ZNF516: variants seen among roughly 807,000 people sequenced by gnomAD.
ZNF516 encodes the protein zinc finger protein 516.
ZNF516 carries 19 observed loss-of-function variants against 79.7 expected under a neutral mutation model. That is an observed-to-expected ratio of 0.24 (90% confidence interval 0.17 to 0.35). The LOEUF (loss-of-function observed/expected upper bound fraction) is 0.35, where lower values mean the gene tolerates loss of function less well. Ranked by LOEUF, ZNF516 falls within the 10% of genes least tolerant of loss-of-function variation. The probability of loss-of-function intolerance (pLI) is 1.00; values close to 1 mark genes in which losing one functional copy is unlikely to be tolerated. For synonymous variants in ZNF516, 877 were observed against 739.5 expected, an observed-to-expected ratio of 1.19 and a Z score of -3.02; for missense variants, 1,678 against 1,679.5, an observed-to-expected ratio of 1.00 and a Z score of 0.02.
intron 3 of ZNF516, among the ~76,000 whole-genome samples, chr18:76,402,765 G>GC (rs2075248453): frequency 6.6e-6 from 1 of 152,260 alleles, no homozygotes; most frequent in African/African-American, 2.4e-5. Flanking sequence ...GCTCCATCGG[G>GC]CCGCTGCGCT....
chr18:76,408,447 A>C (rs1163766969), intron 3 of ZNF516, among the ~76,000 whole-genome samples: 1 of 152,196 alleles, frequency 6.6e-6, no homozygotes, highest in Non-Finnish European at 1.5e-5. Context: ...AAAATAGCAA[A>C]AATTAAGAAG....
At chr18:76,444,877 G>C (rs1460928331) in intron 2 of ZNF516, among the ~76,000 whole-genome samples, 1 of 152,216 alleles carries the variant, frequency 6.6e-6, no homozygotes, top group Non-Finnish European at 1.5e-5. Flanking sequence ...TACAGCGCCA[G>C]GTAGAAACCT....
intron 1 of ZNF516, among the ~76,000 whole-genome samples, chr18:76,468,628 C>G (rs1354449262): frequency 3.9e-5 from 6 of 152,138 alleles, no homozygotes; most frequent in African/African-American, 1.4e-4. Context: ...CCATGTCAGC[C>G]AGGCTGGTCT....
chr18:76,406,923 C>T (rs1009686142), intron 3 of ZNF516, among the ~76,000 whole-genome samples: 2 of 151,888 alleles, frequency 1.3e-5, no homozygotes, highest in African/African-American at 2.4e-5. Context: ...CCTGCCAGGC[C>T]GGAGTCCCCG....
intron 3 of ZNF516, among the ~76,000 whole-genome samples, chr18:76,398,149 C>T (rs1211224546): frequency 2.0e-5 from 3 of 152,154 alleles, no homozygotes; most frequent in Admixed American, 6.5e-5. Context: ...AAAGAAGCGT[C>T]GCTCAGGTTT....
intron 5 of ZNF516, 112 bp from the exon 6 acceptor site, chr18:76,370,707 G>A: frequency 1.2e-6 from 1 of 857,856 alleles, no homozygotes; most frequent in Non-Finnish European, 1.7e-6. Flanking sequence ...CCAGCGCCTA[G>A]CCTGTGGCTG....
At chr18:76,406,421 G>A (rs372983216) in intron 3 of ZNF516, among the ~76,000 whole-genome samples, 4 of 152,230 alleles carry the variant, frequency 2.6e-5, no homozygotes, top group East Asian at 3.9e-4. Context: ...AAAATTAGCC[G>A]AGCATGGTGG....
At chr18:76,417,358 C>T (rs146314704) in intron 3 of ZNF516, among the ~76,000 whole-genome samples, 131 of 152,274 alleles carry the variant, frequency 8.6e-4, no homozygotes, top group African/African-American at 3.1e-3. Flanking sequence ...GTAAGAACAC[C>T]GCCAGGAATC....
chr18:76,450,690 G>T (rs17059381), intron 2 of ZNF516, among the ~76,000 whole-genome samples: 1 of 152,068 alleles, frequency 6.6e-6, no homozygotes, highest in Non-Finnish European at 1.5e-5. Context: ...AGCACTTGAC[G>T]AAGTAAAAAA....
At chr18:76,380,660 G>C (rs1282357831) in intron 3 of ZNF516, among the ~76,000 whole-genome samples, 1 of 152,158 alleles carries the variant, frequency 6.6e-6, no homozygotes, top group South Asian at 2.1e-4. Context: ...TATAAGGTTC[G>C]TATGACTTTC....
In ZNF516 at chr18:76,443,143, C is replaced by T; in HGVS notation, c.-89G>A. 2 of 1,462,528 alleles carry T rather than the reference C, an allele frequency of 1.4e-6. No homozygotes were observed. The allele number at this position is 1,462,528 out of a possible 1,614,324, so 90.6% of individuals were successfully genotyped here. ...TCCTATCTCTCCATGGTCAGAAGAG[C>T]CAAAAGACGTGCCTGCTCCCAGGAG... On this transcript the variant is annotated 5_prime_UTR_variant, in exon 3 of 7. Transcript: ENST00000443185.
chr18:76,422,733 G>A (rs1332840360), intron 3 of ZNF516, among the ~76,000 whole-genome samples: 1 of 152,050 alleles, frequency 6.6e-6, no homozygotes, highest in Non-Finnish European at 1.5e-5. Context: ...CATGGGAGGA[G>A]AAGATATGAA....
rs547034132 is a variant in ZNF516 at position 76,404,818 on chromosome 18, C to T, written c.1811-24515G>A. ...ATGTGTGCATGTTAGCATGTGTGCA[C>T]GAGTTTGCATGTGTATCACTGTAAC... is the stretch of plus-strand genomic sequence containing the variant. On this transcript the variant is annotated intron_variant, in intron 3 of 6. Coordinates refer to ENST00000443185, the MANE Select transcript of ZNF516 (RefSeq NM_014643.4). Among the ~76,000 whole-genome samples, 138 of 148,188 alleles carry T rather than the reference C, an allele frequency of 9.3e-4. 1 individual carries two copies. Among genetic ancestry groups the T allele is most frequent in the Non-Finnish European group, 1.6e-3 (106 of 65,884 alleles).
chr18:76,433,063 C>T (rs1047628384), intron 3 of ZNF516, among the ~76,000 whole-genome samples: 1 of 152,206 alleles, frequency 6.6e-6, no homozygotes, highest in Non-Finnish European at 1.5e-5. Context: ...TCCACACATG[C>T]GGCACTTTCC....
chr18:76,495,061 G>C (rs1474306729), intron 1 of ZNF516, 83 bp downstream of exon 1: 3 of 149,080 alleles, frequency 2.0e-5, no homozygotes, highest in Non-Finnish European at 1.5e-5. Flanking sequence ...CAGAGTACGG[G>C]GCACGTCGGG....
intron 3 of ZNF516, among the ~76,000 whole-genome samples, chr18:76,439,192 G>A (rs1397324891): frequency 6.6e-6 from 1 of 152,182 alleles, no homozygotes; most frequent in Non-Finnish European, 1.5e-5. Flanking sequence ...TTAAATCAAT[G>A]GAACACGGTC....
intron 3 of ZNF516, among the ~76,000 whole-genome samples, chr18:76,428,330 T>C (rs1169559965): frequency 2.7e-5 from 4 of 149,338 alleles, no homozygotes; most frequent in African/African-American, 9.9e-5. Flanking sequence ...CAGACAGAGG[T>C]TGCAGTGAGC....
At chr18:76,457,986 C>CA (rs1912833679) in intron 2 of ZNF516, among the ~76,000 whole-genome samples, 1 of 152,176 alleles carries the variant, frequency 6.6e-6, no homozygotes, top group East Asian at 1.9e-4. Context: ...ATGTACTTTG[C>CA]AGCTACTTAT....
chr18:76,441,378 G>C lies in ZNF516; in HGVS notation c.1677C>G (p.Leu559=), dbSNP rs1201560868. The C allele has an allele frequency of 3.7e-6, 6 of 1,610,774 alleles. No individual in the cohort carries two copies. The Admixed American group carries it at 8.3e-5, about 22-fold the overall frequency. ...GCTGGGAGGCCGAGTCACCCTCACT[G>C]AGTGATCCGCAGCGGGCCCGCGCCG... is the stretch of plus-strand genomic sequence containing the variant. ...DRAARARCGS[L]SEGDSASQPS... is the part of the protein sequence containing the mutation. The change falls in exon 3 of 7, where the codon CTC becomes CTG. Residue 559 remains leucine, a synonymous_variant. Coordinates refer to ENST00000443185, the MANE Select transcript of ZNF516 (RefSeq NM_014643.4).
Sources: allele counts gnomAD v4.1 joint callset (sites outside exome capture counted in the v4.1 genomes callset), GRCh38; gene constraint gnomAD v4.1.1; transcripts MANE v1.5; gene names NCBI Gene and HGNC (gene_info 2026-07-23, HGNC 2026-07-21).